The following OR4K2 variants were observed in gnomAD, a reference collection of about 807,000 sequenced individuals.
OR4K2 encodes olfactory receptor family 4 subfamily K member 2, also known as olfactory receptor 4K2.
Under a neutral mutation model 10.5 loss-of-function variants are expected in OR4K2, and 8 were observed. That is an observed-to-expected ratio of 0.76 (90% CI 0.45 to 1.37). The LOEUF (loss-of-function observed/expected upper bound fraction) is 1.37, where lower values mean the gene tolerates loss of function less well. OR4K2 is among the 40% of genes most tolerant of loss of function. The pLI is 0.00. For missense variants in OR4K2, 547 were observed against 379.5 expected (o/e 1.44, Z -3.67); for synonymous variants, 178 against 133.6 (o/e 1.33, Z -2.29).
rs1880886933 is a variant in OR4K2 at position 19,876,136 on chromosome 14, T to C, written c.-24+2T>C. On this transcript the variant is annotated splice_donor_variant, in intron 1 of 1. Transcript: ENST00000641885. LOFTEE classifies it low-confidence loss of function (5UTR_SPLICE). Reference sequence around the variant, plus strand: ...AGAAGGATGGAAAGAATAGTCAAGGTAAGTTTTATGAGAAGATAAAATTTC... The same window carrying C: ...AGAAGGATGGAAAGAATAGTCAAGGCAAGTTTTATGAGAAGATAAAATTTC... 2 of 746,404 alleles carry C rather than the reference T, an allele frequency of 2.7e-6. No homozygotes were observed. Among genetic ancestry groups the C allele is most frequent in the Non-Finnish European group, 4.3e-6 (2 of 464,448 alleles). 46.2% of individuals were successfully genotyped at this position (746,404 alleles called of 1,614,324 possible).
At position 19,883,066 on chromosome 14, in the gene OR4K2, G is replaced by C. The variant is rs953482667; in HGVS notation, c.*5854G>C. The C allele has an allele frequency of 6.6e-6, 1 of 152,320 alleles. No homozygotes were observed. The highest frequency in any genetic ancestry group is 2.4e-5 in the African/African-American group (1 of 41,550). The allele number at this position is 152,320 out of a possible 1,614,324, so 9.4% of individuals were successfully genotyped here. A position where few individuals can be genotyped will look rare whatever the true frequency, so the allele number is the denominator to read the frequency against. ...AAACCTGAGTTATTTACCATCTAGGGTCTCCCAGAGTCTGAAATATGCTGA... is the reference window on the plus strand; with the variant it reads ...AAACCTGAGTTATTTACCATCTAGGCTCTCCCAGAGTCTGAAATATGCTGA... On this transcript the variant is annotated 3_prime_UTR_variant, in exon 2 of 2. Coordinates refer to ENST00000641885, the MANE Select transcript of OR4K2 (RefSeq NM_001005501.2).
At position 19,882,226 on chromosome 14, in the gene OR4K2, C is replaced by T. The variant is rs1273710888; in HGVS notation, c.*5014C>T. The T allele has an allele frequency of 6.6e-6, 1 of 152,490 alleles. No individual in the cohort carries two copies. The highest frequency in any genetic ancestry group is 2.4e-5 in the African/African-American group (1 of 41,466). 9.4% of individuals were successfully genotyped at this position (152,490 alleles called of 1,614,324 possible). ...TCCCTCACATCTCATCATCATCTTGCTCACCAGCGGCAATTATATCAGTAG... is the reference window on the plus strand; with the variant it reads ...TCCCTCACATCTCATCATCATCTTGTTCACCAGCGGCAATTATATCAGTAG... On this transcript the variant is annotated 3_prime_UTR_variant, in exon 2 of 2. Transcript: ENST00000641885.
In OR4K2 at chr14:19,882,302, G is replaced by A. The variant is rs117258656; in HGVS notation, c.*5090G>A. On this transcript the variant is annotated 3_prime_UTR_variant, in exon 2 of 2. Coordinates refer to ENST00000641885, the MANE Select transcript of OR4K2 (RefSeq NM_001005501.2). Reference sequence around the variant, plus strand: ...TAAAGCTCATTTGGTGCATCTAATTGGTGGAATCTATTTTGCACAGAGAAA... The same window carrying A: ...TAAAGCTCATTTGGTGCATCTAATTAGTGGAATCTATTTTGCACAGAGAAA... The A allele has an allele frequency of 7.3e-5, 11 of 151,614 alleles. No homozygotes were observed. In the East Asian group the frequency reaches 2.1e-3, roughly 29 times the overall value. The allele number at this position is 151,614 out of a possible 1,614,324, so 9.4% of individuals were successfully genotyped here.
In OR4K2 at chr14:19,883,820, C is replaced by A. The variant is rs1255220536; in HGVS notation, c.*6608C>A. On this transcript the variant is annotated 3_prime_UTR_variant, in exon 2 of 2. Transcript: ENST00000641885. Reference sequence around the variant, plus strand: ...TTTTTAAAGAAAGATACCTCTCTTGCAGCTCAATTGCTTTTTAAATAAAAT... The same window carrying A: ...TTTTTAAAGAAAGATACCTCTCTTGAAGCTCAATTGCTTTTTAAATAAAAT... 12 of 152,208 alleles carry A rather than the reference C, an allele frequency of 7.9e-5. No individual in the cohort carries two copies. The highest frequency in any genetic ancestry group is 2.9e-4 in the African/African-American group (12 of 41,442). 9.4% of individuals were successfully genotyped at this position (152,208 alleles called of 1,614,324 possible).
At position 19,875,490 on chromosome 14, in the gene OR4K2, T is replaced by C. The variant is rs1231466306; in HGVS notation, c.-668T>C. The C allele has an allele frequency of 6.6e-6, 1 of 152,240 alleles. No individual in the cohort carries two copies. The highest frequency in any genetic ancestry group is 1.9e-4 in the East Asian group (1 of 5,204). 9.4% of individuals were successfully genotyped at this position (152,240 alleles called of 1,614,324 possible). The stretch of plus-strand genomic sequence containing the variant: ...GAGCACTTTCCCATGAAAATGTTGT[T>C]ATATATCCTTTGTGATATAAAATTT... On this transcript the variant is annotated 5_prime_UTR_variant, in exon 1 of 2. Transcript: ENST00000641885.
rs1271871759 is a variant in OR4K2, at chr14:19,875,769, T to G, written c.-389T>G. 1 of 153,440 alleles carries G rather than the reference T, an allele frequency of 6.5e-6. No individual in the cohort carries two copies. 9.5% of individuals were successfully genotyped at this position (153,440 alleles called of 1,614,324 possible). On this transcript the variant is annotated 5_prime_UTR_variant, in exon 1 of 2. Transcript: ENST00000641885. ...GAGCTCTACAACTGTCCATCGAAAC[T>G]TCACTATAATGTGCTTAAGAGCCCT...
rs1449537467 is a variant in OR4K2, at chr14:19,877,621, TG to T, written c.*410del. The T allele has an allele frequency of 6.0e-6, 1 of 166,512 alleles. No individual in the cohort carries two copies. The highest frequency in any genetic ancestry group is 1.3e-5 in the Non-Finnish European group (1 of 77,070). 10.3% of individuals were successfully genotyped at this position (166,512 alleles called of 1,614,324 possible). ...CCTATAATCCTTAGGAACTCCATACTGCTGTAGGATCTTAGCCTCTGACAGA... is the reference window on the plus strand; with the variant it reads ...CCTATAATCCTTAGGAACTCCATACTCTGTAGGATCTTAGCCTCTGACAGA... On this transcript the variant is annotated 3_prime_UTR_variant, in exon 2 of 2. Transcript: ENST00000641885.
rs199969790 is a variant in OR4K2, at chr14:19,876,946, C to G, written c.679C>G (p.His227Asp). The G allele has an allele frequency of 2.5e-6, 4 of 1,614,048 alleles. No individual in the cohort carries two copies. Among genetic ancestry groups the G allele is most frequent in the Non-Finnish European group, 3.4e-6 (4 of 1,179,958 alleles). The change falls in exon 2 of 2, where the codon CAT becomes GAT. Residue 227 changes from histidine to aspartate, a missense_variant. Transcript: ENST00000641885. ...SYVIVLVTVK[H>D]HSSRGSSKAL... Reference sequence around the variant, plus strand: ...TGTTATTGTCCTGGTTACTGTGAAGCATCATTCTTCCAGAGGATCATCTAA... The same window carrying G: ...TGTTATTGTCCTGGTTACTGTGAAGGATCATTCTTCCAGAGGATCATCTAA...
chr14:19,878,213 A>T lies in OR4K2; in HGVS notation c.*1001A>T, dbSNP rs1418887885. 4 of 152,234 alleles carry T rather than the reference A, an allele frequency of 2.6e-5. No homozygotes were observed. The highest frequency in any genetic ancestry group is 2.4e-5 in the African/African-American group (1 of 41,470). The allele number at this position is 152,234 out of a possible 1,614,324, so 9.4% of individuals were successfully genotyped here. A position where few individuals can be genotyped will look rare whatever the true frequency, so the allele number is the denominator to read the frequency against. ...GTTCAATATTAGCTTTAATGTATACAAAGTATTACTACCACCTGCTGGTAC... is the reference window on the plus strand; with the variant it reads ...GTTCAATATTAGCTTTAATGTATACTAAGTATTACTACCACCTGCTGGTAC... On this transcript the variant is annotated 3_prime_UTR_variant, in exon 2 of 2. Coordinates refer to ENST00000641885, the MANE Select transcript of OR4K2 (RefSeq NM_001005501.2).
At position 19,876,598 on chromosome 14, in the gene OR4K2, G is replaced by A. The variant is rs983127865; in HGVS notation, c.331G>A (p.Glu111Lys). The change falls in exon 2 of 2, where the codon GAG becomes AAG. Residue 111 changes from glutamate to lysine, a missense_variant. By Grantham distance (56) the Glu-to-Lys change is moderately conservative (BLOSUM62 1). Transcript: ENST00000641885. Reference protein sequence around the residue: ...IFFLHLFTGTEIILLMAMSFD... With the variant: ...IFFLHLFTGTKIILLMAMSFD... ...CTTTCTCCACCTTTTCACTGGAACT[G>A]AGATCATCTTACTCATGGCCATGTC... 1 of 1,614,070 alleles carries A rather than the reference G, an allele frequency of 6.2e-7. No homozygotes were observed. Among genetic ancestry groups the A allele is most frequent in the African/African-American group, 1.3e-5 (1 of 74,934 alleles).
Position 19,877,511 on chromosome 14 carries a change from A to G in OR4K2, c.*299A>G. 3.5e-6 allele frequency: 1 copy of G among 282,542 alleles called. No homozygotes were observed. Among genetic ancestry groups the G allele is most frequent in the South Asian group, 4.2e-5 (1 of 23,842 alleles). The allele number at this position is 282,542 out of a possible 1,614,324, so 17.5% of individuals were successfully genotyped here. A position where few individuals can be genotyped will look rare whatever the true frequency, so the allele number is the denominator to read the frequency against. ...GGAGAAGAAATATAGATTAAAGCAGAACTAGGAGATAATGACAATTACCCA... is the reference window on the plus strand; with the variant it reads ...GGAGAAGAAATATAGATTAAAGCAGGACTAGGAGATAATGACAATTACCCA... On this transcript the variant is annotated 3_prime_UTR_variant, in exon 2 of 2. Transcript: ENST00000641885.
In OR4K2 at chr14:19,878,837, G is replaced by A. The variant is rs556815600; in HGVS notation, c.*1625G>A. The A allele has an allele frequency of 2.6e-5, 4 of 152,358 alleles. No individual in the cohort carries two copies. Among genetic ancestry groups the A allele is most frequent in the Admixed American group, 6.5e-5 (1 of 15,304 alleles). 9.4% of individuals were successfully genotyped at this position (152,358 alleles called of 1,614,324 possible). A position where few individuals can be genotyped will look rare whatever the true frequency, so the allele number is the denominator to read the frequency against. On this transcript the variant is annotated 3_prime_UTR_variant, in exon 2 of 2. Transcript: ENST00000641885. ...AACTTTCTCTTGGTTGCAGTTATAT[G>A]TACAAATATGTTCATATTCAAGGAC... is the stretch of plus-strand genomic sequence containing the variant.
rs771076809 is a variant in OR4K2 at position 19,876,869 on chromosome 14, C to A, written c.602C>A (p.Ser201Ter). 3.2e-5 allele frequency: 52 copies of A among 1,614,022 alleles called. No individual in the cohort carries two copies. The highest frequency in any genetic ancestry group is 3.4e-6 in the Non-Finnish European group (4 of 1,179,978). ...DTYVLGLFMI[S>*]TSGIIALSCF... is the part of the protein sequence containing the mutation. ...TATGTTCTGGGCCTCTTTATGATCT[C>A]AACAAGTGGCATAATTGCGTTGTCC... Residue 201 changes from serine to a stop codon, truncating the protein, a stop_gained, in exon 2 of 2, where the codon TCA (serine) becomes TAA (stop). Coordinates refer to ENST00000641885, the MANE Select transcript of OR4K2 (RefSeq NM_001005501.2). LOFTEE classifies it high-confidence loss of function.
Position 19,876,990 on chromosome 14 carries a change from A to G in OR4K2, c.723A>G (p.Thr241=). ...RGSSKALSTC[T]AHFIVVFLFF... is the part of the protein sequence containing the mutation. ...CATCTAAGGCCCTTTCTACTTGTACAGCTCATTTCATTGTTGTCTTCTTGT... is the reference window on the plus strand; with the variant it reads ...CATCTAAGGCCCTTTCTACTTGTACGGCTCATTTCATTGTTGTCTTCTTGT... The change falls in exon 2 of 2, where the codon ACA becomes ACG. Residue 241 remains threonine (T), a synonymous_variant. Coordinates refer to ENST00000641885, the MANE Select transcript of OR4K2 (RefSeq NM_001005501.2). 1 of 1,613,998 alleles carries G rather than the reference A, an allele frequency of 6.2e-7. No individual in the cohort carries two copies. Among genetic ancestry groups the G allele is most frequent in the East Asian group, 2.2e-5 (1 of 44,884 alleles).
chr14:19,875,959 G>T lies in OR4K2; in HGVS notation c.-199G>T. The T allele has an allele frequency of 3.1e-6, 1 of 325,184 alleles. No homozygotes were observed. The allele number at this position is 325,184 out of a possible 1,614,324, so 20.1% of individuals were successfully genotyped here. A position where few individuals can be genotyped will look rare whatever the true frequency, so the allele number is the denominator to read the frequency against. On this transcript the variant is annotated 5_prime_UTR_variant, in exon 1 of 2. It adds an upstream start codon to the 5' untranslated region. Transcript: ENST00000641885. ...ACACAGATGAATAGATGGACAAATA[G>T]GTAGGTATGTCTGTTCAGAATGATA...
At position 19,881,017 on chromosome 14, in the gene OR4K2, A is replaced by C. The variant is rs1290261858; in HGVS notation, c.*3805A>C. 9.9e-6 allele frequency: 1 copy of C among 101,412 alleles called. No homozygotes were observed. Among genetic ancestry groups the C allele is most frequent in the African/African-American group, 4.3e-5 (1 of 23,394 alleles). The allele number at this position is 101,412 out of a possible 1,614,324, so 6.3% of individuals were successfully genotyped here. On this transcript the variant is annotated 3_prime_UTR_variant, in exon 2 of 2. Transcript: ENST00000641885. ...TGTGCATATCCAGACTCCTTATGAA[A>C]GTATTTTCAAATTTAAAAAACTACC...
At position 19,883,474 on chromosome 14, in the gene OR4K2, C is replaced by G. The variant is rs909341485; in HGVS notation, c.*6262C>G. The G allele has an allele frequency of 6.6e-6, 1 of 152,240 alleles. No individual in the cohort carries two copies. Among genetic ancestry groups the G allele is most frequent in the African/African-American group, 2.4e-5 (1 of 41,442 alleles). The allele number at this position is 152,240 out of a possible 1,614,324, so 9.4% of individuals were successfully genotyped here. On this transcript the variant is annotated 3_prime_UTR_variant, in exon 2 of 2. Transcript: ENST00000641885. ...ATTATCTTAAATTGAAATAATGACTCTCTTTGTAAGCACTTTGTCTGGAGT... is the reference window on the plus strand; with the variant it reads ...ATTATCTTAAATTGAAATAATGACTGTCTTTGTAAGCACTTTGTCTGGAGT...
Position 19,881,712 on chromosome 14 carries a change from T to C in OR4K2, c.*4500T>C, listed in dbSNP as rs1243352866. On this transcript the variant is annotated 3_prime_UTR_variant, in exon 2 of 2. Transcript: ENST00000641885. The stretch of plus-strand genomic sequence containing the variant: ...ATGCAAGACCACTGTTAATTCGCCT[T>C]TTTTCTTTGTGTTTTAACTGTACTA... The C allele has an allele frequency of 5.3e-5, 8 of 152,196 alleles. No homozygotes were observed. In the South Asian group the frequency reaches 6.2e-4, roughly 12 times the overall value. 9.4% of individuals were successfully genotyped at this position (152,196 alleles called of 1,614,324 possible). A position where few individuals can be genotyped will look rare whatever the true frequency, so the allele number is the denominator to read the frequency against.
chr14:19,877,330 CT>C lies in OR4K2; in HGVS notation c.*119del. The C allele has an allele frequency of 1.4e-6, 1 of 715,934 alleles. No individual in the cohort carries two copies. Among genetic ancestry groups the C allele is most frequent in the Non-Finnish European group, 2.3e-6 (1 of 443,650 alleles). The allele number at this position is 715,934 out of a possible 1,614,324, so 44.3% of individuals were successfully genotyped here. A position where few individuals can be genotyped will look rare whatever the true frequency, so the allele number is the denominator to read the frequency against. ...GGCTCAAGTTCAGTGCATTTTGAAA[CT>C]ATTCTCATGAATGTGAATGTGTTCA... On this transcript the variant is annotated 3_prime_UTR_variant, in exon 2 of 2. Transcript: ENST00000641885.
Sources: gnomAD v4.1 joint callset for allele counts on GRCh38, gnomAD v4.1.1 for gene constraint, MANE v1.5 for transcripts, NCBI Gene and HGNC (gene_info 2026-07-23, HGNC 2026-07-21) for gene names.